The following TAF1 variants were observed in gnomAD, a reference collection of about 807,000 sequenced individuals.
The protein encoded by TAF1 is TATA-box binding protein associated factor 1, also known as transcription initiation factor TFIID subunit 1.
A neutral mutation model predicts 138.5 loss-of-function variants in TAF1; 2 were observed. That is an observed-to-expected ratio of 0.01 (90% CI 0.01 to 0.05). The LOEUF is 0.05. Ranked by LOEUF, TAF1 falls within the 10% of genes least tolerant of loss-of-function variation. The pLI, the probability that TAF1 is intolerant of heterozygous loss-of-function variation, is 1.00. For missense variants in TAF1, 709 were observed against 1,478.0 expected, an observed-to-expected ratio of 0.48 and a Z score of 8.53; for synonymous variants, 437 against 503.2, an observed-to-expected ratio of 0.87 and a Z score of 1.76.
intron 13 of TAF1, among the ~76,000 whole-genome samples, chrX:71,506,009 G>T (rs2039616696): frequency 1.9e-5 from 2 of 105,775 alleles, no homozygotes; most frequent in Non-Finnish European, 3.9e-5. Flanking sequence ...GACAGAGCAA[G>T]ACTCTGCCTC....
chrX:71,458,525 G>A (rs934116403), intron 35 of TAF1, among the ~76,000 whole-genome samples, 159 bp downstream of exon 35: 1 of 111,541 alleles, frequency 9.0e-6, no homozygotes, highest in African/African-American at 3.3e-5. Context: ...AGTTGGGATG[G>A]CAGCAGGTCG....
At chrX:71,508,778 G>A (rs1474808258) in intron 13 of TAF1, among the ~76,000 whole-genome samples, 1 of 107,079 alleles carries the variant, frequency 9.3e-6, no homozygotes, top group Non-Finnish European at 1.9e-5. Flanking sequence ...ATATGCATAG[G>A]AAGTAATTAC....
At chrX:71,491,816 C>T (rs1394413928) in intron 13 of TAF1, 1 of 109,940 alleles carries the variant, frequency 9.1e-6, no homozygotes, top group African/African-American at 3.3e-5. Flanking sequence ...CGCCCGCCAC[C>T]ACGCCCAGCT....
At chrX:71,411,349 C>T (rs2035777742) in intron 28 of TAF1, among the ~76,000 whole-genome samples, 1 of 111,288 alleles carries the variant, frequency 9.0e-6, no homozygotes, top group Non-Finnish European at 1.9e-5. Flanking sequence ...TTCAAAGTGG[C>T]GGGATTACAG....
chrX:71,439,007 A>G (rs915068046), intron 32 of TAF1, among the ~76,000 whole-genome samples: 1 of 111,305 alleles, frequency 9.0e-6, no homozygotes, highest in African/African-American at 3.3e-5. Context: ...CTCTTAAACT[A>G]TTCCTTTTTA....
chrX:71,517,869 C>T (rs777685905), intron 13 of TAF1, among the ~76,000 whole-genome samples: 6 of 110,698 alleles, frequency 5.4e-5, no homozygotes, highest in East Asian at 5.7e-4. Context: ...GTAATCATAT[C>T]GCATTACAGC....
chrX:71,483,772 C>CTATATATA (rs1296271842), intron 13 of TAF1, among the ~76,000 whole-genome samples: 2 of 75,207 alleles, frequency 2.7e-5, no homozygotes, highest in African/African-American at 5.7e-5. Flanking sequence ...CTCTCTCTCT[C>CTATATATA]TCTCTCTCTA....
intron 32 of TAF1, among the ~76,000 whole-genome samples, chrX:71,431,360 G>A: frequency 9.1e-6 from 1 of 110,431 alleles, no homozygotes; most frequent in East Asian, 2.8e-4. Flanking sequence ...TTTGCACCTG[G>A]CCTCAGAAGA....
chrX:71,383,568 A>G (rs747952052), intron 12 of TAF1, among the ~76,000 whole-genome samples: 1 of 112,349 alleles, frequency 8.9e-6, no homozygotes, highest in South Asian at 3.6e-4. Context: ...ATATTTGCAC[A>G]TAACCTATGC....
At chrX:71,387,067 C>T (rs1307489773) in intron 14 of TAF1, 194 bp from the exon 15 acceptor site, 5 of 442,197 alleles carry the variant, frequency 1.1e-5, no homozygotes, top group Non-Finnish European at 1.9e-5. Context: ...CCCCTACTGA[C>T]TCTGAAAGAT....
chrX:71,373,612 A>G (rs918692674), intron 3 of TAF1, among the ~76,000 whole-genome samples: 1 of 112,069 alleles, frequency 8.9e-6, no homozygotes, highest in Non-Finnish European at 1.9e-5. Context: ...GATAAAGGAT[A>G]TTTCAGTGTT....
At chrX:71,368,198 A>G in intron 3 of TAF1, 28 bp downstream of exon 3, 2 of 1,181,496 alleles carry the variant, frequency 1.7e-6, no homozygotes, top group Non-Finnish European at 2.3e-6. Flanking sequence ...TGGCTTGAAC[A>G]TTCCAGTGCA....
chrX:71,508,086 C>CTCTCTCTCTCTCTCTATATATATATA (rs4040068), intron 13 of TAF1, among the ~76,000 whole-genome samples: 1 of 92,199 alleles, frequency 1.1e-5, no homozygotes, highest in Non-Finnish European at 2.1e-5. Flanking sequence ...CTCTCTCTCT[C>CTCTCTCTCTCTCTCTATATATATATA]TATATATATA....
At chrX:71,371,761 G>C (rs1394115364) in intron 3 of TAF1, among the ~76,000 whole-genome samples, 1 of 111,642 alleles carries the variant, frequency 9.0e-6, no homozygotes, top group Non-Finnish European at 1.9e-5. Context: ...TATTTAGTGT[G>C]ACCCTGAGCA....
chrX:71,410,367 A>G (rs891663603), intron 28 of TAF1, among the ~76,000 whole-genome samples: 7 of 108,367 alleles, frequency 6.5e-5, no homozygotes, highest in Admixed American at 3.0e-4. Flanking sequence ...ACGTTTACCT[A>G]TGTAACAAAT....
Position 71,387,299 on chromosome X carries a change from T to A in TAF1, c.2265T>A (p.Leu755=), listed in dbSNP as rs372979970. Residue 755 remains leucine (L), a synonymous_variant, in exon 15 of 38, where the codon CTT becomes CTA. Coordinates refer to ENST00000423759, the MANE Select transcript of TAF1 (RefSeq NM_004606.5). ...ACCTTTTTCGTGCTCCAATTTATCT[T>A]CATAAGATGCCAGAAACTGATTTCT... ...ENNLFRAPIY[L]HKMPETDFLI... is the part of the protein sequence containing the mutation. 1.5e-5 allele frequency: 18 copies of A among 1,210,408 alleles called. No individual in the cohort carries two copies. Among genetic ancestry groups the A allele is most frequent in the Non-Finnish European group, 2.0e-5 (18 of 895,385 alleles).
At chrX:71,402,350 C>T (rs937262811) in intron 25 of TAF1, among the ~76,000 whole-genome samples, 2 of 112,225 alleles carry the variant, frequency 1.8e-5, no homozygotes, top group African/African-American at 3.2e-5. Flanking sequence ...TCAAGTGATC[C>T]GCCTGCCTAG....
At chrX:71,420,321 C>T in intron 28 of TAF1, 4 of 1,173,724 alleles carry the variant, frequency 3.4e-6, no homozygotes, top group Non-Finnish European at 4.6e-6. Context: ...CAGGGAAGTC[C>T]TCACTGACTC....
At chrX:71,504,766 A>G (rs1270521834) in intron 13 of TAF1, among the ~76,000 whole-genome samples, 65 of 102,190 alleles carry the variant, frequency 6.4e-4, no homozygotes, top group South Asian at 3.5e-3. Context: ...AAAAAAAAAA[A>G]AAAAAAAGAA....
Sources: allele counts gnomAD v4.1 joint callset (sites outside exome capture counted in the v4.1 genomes callset), GRCh38; gene constraint gnomAD v4.1.1; transcripts MANE v1.5; gene names NCBI Gene and HGNC (gene_info 2026-07-23, HGNC 2026-07-21).